Variants in ZNRF1 observed in about 807,000 individuals in gnomAD.
The protein encoded by ZNRF1 is E3 ubiquitin-protein ligase ZNRF1.
A neutral mutation model predicts 18.4 loss-of-function variants in ZNRF1; 3 were observed. The observed-to-expected ratio is 0.16, with a 90% CI of 0.07 to 0.42. The LOEUF (loss-of-function observed/expected upper bound fraction) is 0.42, where lower values mean the gene tolerates loss of function less well. ZNRF1 is among the 10% of genes least tolerant of loss of function. The pLI is 0.99. For missense variants in ZNRF1, 310 were observed against 329.8 expected, an observed-to-expected ratio of 0.94 and a Z score of 0.47; for synonymous variants, 157 against 144.2, an observed-to-expected ratio of 1.09 and a Z score of -0.64.
intron 1 of ZNRF1, among the ~76,000 whole-genome samples, chr16:75,030,833 C>CTTTTTT (rs59468839): frequency 1.9e-4 from 17 of 91,408 alleles, no homozygotes; most frequent in African/African-American, 3.2e-4. Context: ...CACTTTATTC[C>CTTTTTT]TTTTTTTTTT....
At chr16:75,013,855 A>C (rs780899895) in intron 1 of ZNRF1, among the ~76,000 whole-genome samples, 1 of 151,112 alleles carries the variant, frequency 6.6e-6, no homozygotes, top group Non-Finnish European at 1.5e-5. Context: ...TTCGAGACGG[A>C]GTCTCACTGT....
At chr16:75,104,922 C>T (rs1200616480) in intron 3 of ZNRF1, 33 bp downstream of exon 3, 8 of 1,529,360 alleles carry the variant, frequency 5.2e-6, no homozygotes, top group Non-Finnish European at 7.1e-6. Context: ...CTTAGTGCAC[C>T]CCACCTCCCA....
intron 1 of ZNRF1, among the ~76,000 whole-genome samples, chr16:75,080,925 G>C (rs556838459): frequency 6.6e-6 from 1 of 151,962 alleles, no homozygotes; most frequent in African/African-American, 2.4e-5. Context: ...TGTAATCCCA[G>C]TACTTTGGGA....
intron 1 of ZNRF1, among the ~76,000 whole-genome samples, chr16:75,071,111 T>C (rs1424496476): frequency 6.6e-6 from 1 of 151,362 alleles, no homozygotes; most frequent in African/African-American, 2.4e-5. Context: ...TTTTTTTTTT[T>C]TCTTTTGAGA....
At chr16:75,025,665 C>T (rs777520482) in intron 1 of ZNRF1, among the ~76,000 whole-genome samples, 19 of 152,184 alleles carry the variant, frequency 1.2e-4, no homozygotes, top group Admixed American at 5.2e-4. Flanking sequence ...GAGGACATTT[C>T]GTAAGAGGGG....
At chr16:75,050,404 T>G (rs1219363106) in intron 1 of ZNRF1, among the ~76,000 whole-genome samples, 2 of 152,042 alleles carry the variant, frequency 1.3e-5, no homozygotes, top group African/African-American at 4.8e-5. Context: ...TGCACACCTG[T>G]AGTCCCAGCT....
chr16:75,042,639 A>T (rs2035464450), intron 1 of ZNRF1, among the ~76,000 whole-genome samples: 1 of 151,970 alleles, frequency 6.6e-6, no homozygotes, highest in African/African-American at 2.4e-5. Flanking sequence ...TAACTTTATG[A>T]TAAGTTTTGA....
chr16:75,088,201 G>A (rs1001639982), intron 1 of ZNRF1, among the ~76,000 whole-genome samples: 56 of 152,158 alleles, frequency 3.7e-4, no homozygotes, highest in African/African-American at 1.3e-3. Context: ...TGTAGTGGAC[G>A]CTTATGGGAA....
chr16:75,096,268 G>A (rs1377263228), intron 2 of ZNRF1, among the ~76,000 whole-genome samples: 1 of 152,144 alleles, frequency 6.6e-6, no homozygotes, highest in Non-Finnish European at 1.5e-5. Flanking sequence ...CCCTGTTCAT[G>A]TGGTATGGAC....
chr16:75,085,664 C>A (rs910063486), intron 1 of ZNRF1, among the ~76,000 whole-genome samples: 1 of 152,090 alleles, frequency 6.6e-6, no homozygotes, highest in Non-Finnish European at 1.5e-5. Context: ...TGTGAGAGTT[C>A]CGGTTGCTAC....
chr16:75,078,006 C>T (rs1460248849), intron 1 of ZNRF1, among the ~76,000 whole-genome samples: 4 of 152,194 alleles, frequency 2.6e-5, no homozygotes, highest in Admixed American at 2.0e-4. Flanking sequence ...TTCACAGGTT[C>T]TGGGGATTCG....
Position 75,000,054 on chromosome 16 carries a change from T to A in ZNRF1, c.383T>A (p.Leu128Gln). The change falls in exon 1 of 5, where the codon CTA becomes CAA. Residue 128 changes from leucine to glutamine, a missense_variant. Transcript: ENST00000335325. ...LGSRASLADA[L>Q]PLHIAPRWFS... Reference sequence around the variant, plus strand: ...TCCCGAGCCTCGCTGGCGGATGCTCTACCTCTGCACATCGCACCCAGGTGG... The same window carrying A: ...TCCCGAGCCTCGCTGGCGGATGCTCAACCTCTGCACATCGCACCCAGGTGG... 6.2e-7 allele frequency: 1 copy of A among 1,601,786 alleles called. No homozygotes were observed. Among genetic ancestry groups the A allele is most frequent in the Non-Finnish European group, 8.5e-7 (1 of 1,175,462 alleles).
chr16:75,103,307 A>C (rs143047555), intron 2 of ZNRF1, among the ~76,000 whole-genome samples: 131 of 152,260 alleles, frequency 8.6e-4, no homozygotes, highest in African/African-American at 2.6e-3. Flanking sequence ...TTAAACATTG[A>C]GATGAAACTC....
At position 75,044,403 on chromosome 16, in the gene ZNRF1, T is replaced by C. The variant is rs1416565481; in HGVS notation, c.424+44308T>C. ...CACCATGCCCAGCTAATTTTTGTAT[T>C]TTTAGTAGAGACTGGCTTTTGCCAT... is the stretch of plus-strand genomic sequence containing the variant. On this transcript the variant is annotated intron_variant, in intron 1 of 4. Transcript: ENST00000335325. Among the ~76,000 whole-genome samples, 3 of 152,094 alleles carry C rather than the reference T, an allele frequency of 2.0e-5. No individual in the cohort carries two copies. In the East Asian group the frequency reaches 5.8e-4, roughly 29 times the overall value.
intron 1 of ZNRF1, chr16:75,000,412 C>A: frequency 1.8e-6 from 1 of 540,926 alleles, no homozygotes; most frequent in Non-Finnish European, 3.5e-6. Context: ...GAGAGCAAGT[C>A]AGCCTGGGTA....
intron 1 of ZNRF1, among the ~76,000 whole-genome samples, chr16:75,084,269 A>G (rs1040490511): frequency 2.6e-5 from 4 of 152,264 alleles, no homozygotes; most frequent in African/African-American, 9.6e-5. Flanking sequence ...AAGGCTAGAA[A>G]TATTTGGTGA....
chr16:75,049,061 A>G (rs985057554), intron 1 of ZNRF1, among the ~76,000 whole-genome samples: 6 of 151,064 alleles, frequency 4.0e-5, no homozygotes, highest in Non-Finnish European at 8.8e-5. Context: ...CTGGAATGCA[A>G]TGGTGCAATC....
intron 1 of ZNRF1, among the ~76,000 whole-genome samples, chr16:75,053,839 A>C (rs1414645622): frequency 6.6e-6 from 1 of 152,200 alleles, no homozygotes; most frequent in Non-Finnish European, 1.5e-5. Context: ...AAGAGCCTTT[A>C]GGGTATTCCC....
intron 2 of ZNRF1, among the ~76,000 whole-genome samples, chr16:75,102,802 C>T (rs986935230): frequency 3.9e-5 from 6 of 152,196 alleles, no homozygotes; most frequent in Middle Eastern, 3.2e-3. Flanking sequence ...CCGTCCCTTC[C>T]TTCTCATGCT....
Sources: gnomAD v4.1 joint callset for allele counts (sites outside exome capture counted in the v4.1 genomes callset) on GRCh38, gnomAD v4.1.1 for gene constraint, MANE v1.5 for transcripts, NCBI Gene and HGNC (gene_info 2026-07-23, HGNC 2026-07-21) for gene names.